Variants in GALNT13 observed in about 807,000 individuals in gnomAD.
The protein encoded by GALNT13 is UDP-GalNAc:polypeptide N-acetylgalactosaminyltransferase 13.
A neutral mutation model predicts 64.2 loss-of-function variants in GALNT13; 28 were observed. The ratio of observed to expected loss-of-function variants is 0.44; its 90% CI spans 0.32 to 0.60. The LOEUF is 0.60. Among genes scored for constraint, GALNT13 ranks in the 20% least tolerant of loss-of-function variants. GALNT13 has a pLI of 0.05. For missense variants in GALNT13, 577 were observed against 669.8 expected (o/e 0.86, Z 1.53); for synonymous variants, 214 against 224.6 (o/e 0.95, Z 0.42).
the GALNT13 span, among the ~76,000 whole-genome samples, chr2:153,167,635 C>T: frequency 6.6e-6 from 1 of 152,106 alleles, no homozygotes; most frequent in East Asian, 1.9e-4. Context: ...CTGTGTCTTC[C>T]AGAAACAATC....
intron 4 of GALNT13, among the ~76,000 whole-genome samples, chr2:154,192,511 A>G (rs899938029): frequency 3.4e-5 from 5 of 148,418 alleles, no homozygotes; most frequent in Non-Finnish European, 7.4e-5. Flanking sequence ...CATGGATTGA[A>G]TGACATATAT....
At chr2:153,372,148 G>GA in the GALNT13 span, among the ~76,000 whole-genome samples, 7 of 152,186 alleles carry the variant, frequency 4.6e-5, no homozygotes, top group South Asian at 2.1e-4. Context: ...GTGAGCTGGG[G>GA]AATAGAATTG....
At chr2:154,004,494 G>A (rs535075794) in intron 3 of GALNT13, among the ~76,000 whole-genome samples, 97 of 152,220 alleles carry the variant, frequency 6.4e-4, no homozygotes, top group African/African-American at 2.2e-3. Context: ...GTGAGCCACC[G>A]CACCCAGCCA....
chr2:153,576,692 T>C, the GALNT13 span, among the ~76,000 whole-genome samples: 31 of 152,304 alleles, frequency 2.0e-4, no homozygotes, highest in East Asian at 5.6e-3. Context: ...CTTTCAGTGA[T>C]AGGAAGATAA....
intron 4 of GALNT13, among the ~76,000 whole-genome samples, chr2:154,158,969 T>A (rs954437233): frequency 6.6e-6 from 1 of 152,158 alleles, no homozygotes; most frequent in African/African-American, 2.4e-5. Context: ...TATTCTGGTA[T>A]ATTTTTCTGC....
At chr2:153,515,863 G>T in the GALNT13 span, among the ~76,000 whole-genome samples, 1 of 152,172 alleles carries the variant, frequency 6.6e-6, no homozygotes, top group African/African-American at 2.4e-5. Context: ...CTCTTTGGCT[G>T]GAATATATGT....
chr2:153,428,763 A>G, the GALNT13 span, among the ~76,000 whole-genome samples: 1 of 152,172 alleles, frequency 6.6e-6, no homozygotes, highest in African/African-American at 2.4e-5. Flanking sequence ...CTAGTAAGGA[A>G]AAAAACTTCA....
intron 9 of GALNT13, among the ~76,000 whole-genome samples, chr2:154,313,903 T>C (rs891671795): frequency 6.6e-6 from 1 of 152,136 alleles, no homozygotes; most frequent in Non-Finnish European, 1.5e-5. Context: ...AATACAATAG[T>C]CTGAAATTTT....
the GALNT13 span, among the ~76,000 whole-genome samples, chr2:153,587,989 G>A: frequency 6.6e-6 from 1 of 152,234 alleles, no homozygotes; most frequent in Non-Finnish European, 1.5e-5. Flanking sequence ...CCCCATGCAA[G>A]TCTGAAATCC....
At chr2:153,140,228 T>C in the GALNT13 span, among the ~76,000 whole-genome samples, 3 of 152,088 alleles carry the variant, frequency 2.0e-5, no homozygotes, top group Non-Finnish European at 2.9e-5. Flanking sequence ...TGCCAAGCAC[T>C]ATTCCAGGTC....
chr2:153,864,129 C>G, the GALNT13 span, among the ~76,000 whole-genome samples: 1 of 152,110 alleles, frequency 6.6e-6, no homozygotes, highest in Non-Finnish European at 1.5e-5. Context: ...TATTTAGTTA[C>G]TTTTCTCTGT....
At chr2:154,038,241 A>G (rs1319376153) in intron 3 of GALNT13, among the ~76,000 whole-genome samples, 1 of 152,198 alleles carries the variant, frequency 6.6e-6, no homozygotes, top group Non-Finnish European at 1.5e-5. Flanking sequence ...TTAAAATTTC[A>G]ATGACATTTT....
At chr2:154,447,755 C>G (rs1208014695) in intron 12 of GALNT13, among the ~76,000 whole-genome samples, 1 of 151,902 alleles carries the variant, frequency 6.6e-6, no homozygotes, top group East Asian at 1.9e-4. Context: ...CAAAGACATT[C>G]CAAATGTAAG....
At chr2:154,149,881 A>C (rs1173839417) in intron 4 of GALNT13, among the ~76,000 whole-genome samples, 1 of 152,150 alleles carries the variant, frequency 6.6e-6, no homozygotes, top group Non-Finnish European at 1.5e-5. Flanking sequence ...AAACAGGGAC[A>C]ATTTGACTTC....
chr2:153,646,684 T>C, the GALNT13 span, among the ~76,000 whole-genome samples: 3 of 152,202 alleles, frequency 2.0e-5, no homozygotes, highest in African/African-American at 7.2e-5. Context: ...CATTGTTCAA[T>C]TCCCGCCTAT....
At chr2:153,355,676 A>G in the GALNT13 span, among the ~76,000 whole-genome samples, 5 of 152,176 alleles carry the variant, frequency 3.3e-5, no homozygotes, top group African/African-American at 1.2e-4. Flanking sequence ...AACCTGAAAC[A>G]TTCCTTAACT....
the GALNT13 span, among the ~76,000 whole-genome samples, chr2:153,719,925 G>A: frequency 6.6e-6 from 1 of 152,142 alleles, no homozygotes; most frequent in African/African-American, 2.4e-5. Context: ...GGTAAACAAA[G>A]CAGCCGGGAA....
At chr2:153,255,511 T>G in the GALNT13 span, among the ~76,000 whole-genome samples, 1 of 151,402 alleles carries the variant, frequency 6.6e-6, no homozygotes, top group Non-Finnish European at 1.5e-5. Context: ...ATCCTGTCAT[T>G]ATGATGTTAG....
At chr2:154,330,328 A>T (rs1039464809) in intron 9 of GALNT13, among the ~76,000 whole-genome samples, 1 of 152,092 alleles carries the variant, frequency 6.6e-6, no homozygotes, top group African/African-American at 2.4e-5. Flanking sequence ...ACCCTCAATG[A>T]ATGTTTGGGA....
Sources: gnomAD v4.1 joint callset for allele counts (sites outside exome capture counted in the v4.1 genomes callset) on GRCh38, gnomAD v4.1.1 for gene constraint, MANE v1.5 for transcripts, NCBI Gene and HGNC (gene_info 2026-07-23, HGNC 2026-07-21) for gene names.